The following NPEPPS variants were observed in gnomAD, a reference collection of about 807,000 sequenced individuals.
NPEPPS encodes puromycin-sensitive aminopeptidase.
NPEPPS carries 14 observed loss-of-function variants against 115.5 expected under a neutral mutation model. The observed-to-expected ratio is 0.12, with a 90% CI of 0.08 to 0.19. NPEPPS has a LOEUF of 0.19. Ranked by LOEUF, NPEPPS falls within the 10% of genes least tolerant of loss-of-function variation. NPEPPS has a pLI of 1.00. For missense variants in NPEPPS, 523 were observed against 1,110.8 expected, an observed-to-expected ratio of 0.47 and a Z score of 7.52; for synonymous variants, 285 against 390.6, an observed-to-expected ratio of 0.73 and a Z score of 3.19.
At chr17:47,553,450 A>G (rs1216366682) in intron 2 of NPEPPS, among the ~76,000 whole-genome samples, 1 of 151,848 alleles carries the variant, frequency 6.6e-6, no homozygotes, top group Admixed American at 6.6e-5. Flanking sequence ...TATAGTAGGG[A>G]TTTAATAAAT....
At chr17:47,532,092 G>T (rs1377982637) in intron 1 of NPEPPS, among the ~76,000 whole-genome samples, 2 of 152,100 alleles carry the variant, frequency 1.3e-5, no homozygotes, top group Non-Finnish European at 2.9e-5. Context: ...TAGAAGGGGG[G>T]GGAGAGGGTG....
chr17:47,543,550 C>T (rs548299481), intron 1 of NPEPPS, among the ~76,000 whole-genome samples: 1 of 147,690 alleles, frequency 6.8e-6, no homozygotes, highest in African/African-American at 2.5e-5. Context: ...TGGTGTTGAA[C>T]TCCTGACCTC....
intron 9 of NPEPPS, among the ~76,000 whole-genome samples, chr17:47,589,989 A>G (rs371537849): frequency 2.0e-5 from 3 of 151,938 alleles, no homozygotes; most frequent in Non-Finnish European, 4.4e-5. Context: ...TTTTCCATAT[A>G]TGGGCTTTTT....
At chr17:47,602,677 ACTT>A (rs1913285276) in intron 15 of NPEPPS, among the ~76,000 whole-genome samples, 2 of 149,870 alleles carry the variant, frequency 1.3e-5, no homozygotes, top group Non-Finnish European at 3.0e-5. Flanking sequence ...CTGTTTATCA[ACTT>A]CTTTTTTTTT....
chr17:47,529,241 C>A (rs1336403352), upstream of NPEPPS, among the ~76,000 whole-genome samples: 1 of 151,934 alleles, frequency 6.6e-6, no homozygotes, highest in African/African-American at 2.4e-5. Flanking sequence ...ATTGTTATTT[C>A]ATTTTTATTT....
chr17:47,530,351 G>GTT (rs58886094), upstream of NPEPPS, among the ~76,000 whole-genome samples: 888 of 97,694 alleles, frequency 9.1e-3, 3 homozygotes, highest in African/African-American at 0.014. Context: ...ATTATTAAAG[G>GTT]TTTTTTTTTT....
intron 9 of NPEPPS, among the ~76,000 whole-genome samples, 194 bp downstream of exon 9, chr17:47,587,538 T>TC (rs1186067312): frequency 6.6e-6 from 1 of 151,942 alleles, no homozygotes; most frequent in Non-Finnish European, 1.5e-5. Context: ...ATATGGACAG[T>TC]CTTTATTCAA....
chr17:47,612,335 G>C, intron 17 of NPEPPS, 125 bp from the exon 18 acceptor site: 1 of 882,404 alleles, frequency 1.1e-6, no homozygotes, highest in Non-Finnish European at 1.7e-6. Flanking sequence ...CAGGTATTAA[G>C]TTAATTGAGT....
intron 15 of NPEPPS, among the ~76,000 whole-genome samples, chr17:47,603,184 G>A (rs565287764): frequency 4.6e-5 from 7 of 152,212 alleles, no homozygotes; most frequent in African/African-American, 1.2e-4. Context: ...GCTGAGGCGC[G>A]GCGGATCACC....
rs1434027563 is a variant in NPEPPS at position 47,622,173 on chromosome 17, C to G, written c.*253C>G. On this transcript the variant is annotated 3_prime_UTR_variant, in exon 23 of 23. Transcript: ENST00000322157. ...ATGATAGTAATAAAATAGAGCATAA[C>G]GAAACTGTGAAACTTTCTGAAGCCT... 1.0e-6 allele frequency: 1 copy of G among 958,318 alleles called. No homozygotes were observed. Among genetic ancestry groups the G allele is most frequent in the Non-Finnish European group, 1.3e-6 (1 of 762,894 alleles). The allele number at this position is 958,318 out of a possible 1,614,324, so 59.4% of individuals were successfully genotyped here. A position where few individuals can be genotyped will look rare whatever the true frequency, so the allele number is the denominator to read the frequency against.
At chr17:47,613,815 C>A in intron 19 of NPEPPS, 90 bp downstream of exon 19, 1 of 959,434 alleles carries the variant, frequency 1.0e-6, no homozygotes, top group Non-Finnish European at 1.6e-6. Flanking sequence ...AAAAGACAGT[C>A]CTAGAAAAGA....
At chr17:47,556,355 C>T (rs1477246338) in intron 2 of NPEPPS, among the ~76,000 whole-genome samples, 1 of 151,934 alleles carries the variant, frequency 6.6e-6, no homozygotes, top group Admixed American at 6.6e-5. Flanking sequence ...TCCATTTAAC[C>T]CTGAGTGGAC....
intron 2 of NPEPPS, among the ~76,000 whole-genome samples, chr17:47,554,794 A>G (rs542965477): frequency 2.0e-5 from 3 of 152,324 alleles, no homozygotes; most frequent in South Asian, 4.1e-4. Context: ...CTTGTGATAC[A>G]TTGACAGTCA....
At chr17:47,532,305 C>T (rs528812141) in intron 1 of NPEPPS, among the ~76,000 whole-genome samples, 2 of 152,132 alleles carry the variant, frequency 1.3e-5, no homozygotes, top group Non-Finnish European at 2.9e-5. Flanking sequence ...AGCTTTGCGG[C>T]CTTCGAAGCT....
chr17:47,537,290 G>A (rs545750789), intron 1 of NPEPPS, among the ~76,000 whole-genome samples: 1 of 152,324 alleles, frequency 6.6e-6, no homozygotes, highest in African/African-American at 2.4e-5. Context: ...GAGGAAAGAA[G>A]TATAACAGTT....
At chr17:47,569,368 T>G in intron 2 of NPEPPS, 49 bp from the exon 3 acceptor site, 1 of 1,225,744 alleles carries the variant, frequency 8.2e-7, no homozygotes, top group Non-Finnish European at 1.2e-6. Flanking sequence ...CTTGATTTCG[T>G]CTTGTCAGTC....
At chr17:47,616,573 A>G (rs1338181551) in intron 19 of NPEPPS, among the ~76,000 whole-genome samples, 2 of 151,668 alleles carry the variant, frequency 1.3e-5, no homozygotes, top group South Asian at 2.1e-4. Context: ...AGTCCCAGCT[A>G]CTCAGGAGGC....
intron 17 of NPEPPS, among the ~76,000 whole-genome samples, chr17:47,610,395 G>A (rs569465684): frequency 7.0e-6 from 1 of 142,202 alleles, no homozygotes; most frequent in South Asian, 2.3e-4. Context: ...TTTTTTTTTT[G>A]GGGGGGGGTA....
intron 1 of NPEPPS, among the ~76,000 whole-genome samples, chr17:47,534,052 G>T (rs192005174): frequency 1.3e-5 from 2 of 152,102 alleles, no homozygotes; most frequent in East Asian, 3.8e-4. Context: ...TTAAATTGTG[G>T]CATTAGGTGG....
Sources: gnomAD v4.1 joint callset for allele counts (sites outside exome capture counted in the v4.1 genomes callset) on GRCh38, gnomAD v4.1.1 for gene constraint, MANE v1.5 for transcripts, NCBI Gene and HGNC (gene_info 2026-07-23, HGNC 2026-07-21) for gene names.